Variants in ZNF536 observed in about 807,000 individuals in gnomAD.
ZNF536 encodes the protein zinc finger protein 536.
ZNF536 carries 13 observed loss-of-function variants against 84.5 expected under a neutral mutation model. The ratio of observed to expected loss-of-function variants is 0.15; its 90% CI spans 0.10 to 0.24. The LOEUF (loss-of-function observed/expected upper bound fraction) is 0.24. Among genes scored for constraint, ZNF536 ranks in the 10% least tolerant of loss-of-function variants. The pLI is 1.00. For synonymous variants in ZNF536, 811 were observed against 742.5 expected (o/e 1.09, Z -1.50); for missense variants, 1,536 against 1,747.5 (o/e 0.88, Z 2.16).
At chr19:30,451,707 T>A (rs1419811634) in intron 2 of ZNF536, among the ~76,000 whole-genome samples, 2 of 152,144 alleles carry the variant, frequency 1.3e-5, no homozygotes, top group Non-Finnish European at 2.9e-5. Flanking sequence ...CACTCAAATG[T>A]GTTTCTCTGG....
intron 1 of ZNF536, among the ~76,000 whole-genome samples, chr19:30,267,373 T>G (rs2025569742): frequency 2.0e-5 from 3 of 152,200 alleles, no homozygotes; most frequent in Non-Finnish European, 4.4e-5. Flanking sequence ...AGTCCTGTTT[T>G]ATAATAATCT....
rs1164172556 is a variant in ZNF536 at position 30,686,359 on chromosome 19, G to A, written c.170-24398G>A. Among the ~76,000 whole-genome samples the A allele has an allele frequency of 2.6e-5, 4 of 152,140 alleles. No homozygotes were observed. In the East Asian group the frequency reaches 7.7e-4, roughly 29 times the overall value. ...GAAAAAAAATGACTCCCTTAGAAGA[G>A]TTAGGAATTTTATTACAAACCAGAT... is the stretch of plus-strand genomic sequence containing the variant. On this transcript the variant is annotated intron_variant, in intron 1 of 1. Transcript: ENST00000592773.
intron 1 of ZNF536, among the ~76,000 whole-genome samples, chr19:30,375,739 G>A (rs908904356): frequency 2.6e-5 from 4 of 152,246 alleles, no homozygotes; most frequent in Non-Finnish European, 5.9e-5. Context: ...ATGCGTGTGT[G>A]ATCACATGTT....
chr19:30,517,279 G>A (rs1426479660), intron 2 of ZNF536, among the ~76,000 whole-genome samples: 2 of 152,158 alleles, frequency 1.3e-5, no homozygotes, highest in Admixed American at 6.5e-5. Context: ...GAATTAGTCT[G>A]GAGGCTTCTG....
intron 1 of ZNF536, among the ~76,000 whole-genome samples, chr19:30,374,893 G>A (rs973679079): frequency 1.3e-4 from 19 of 151,560 alleles, no homozygotes; most frequent in African/African-American, 4.4e-4. Context: ...TGCCGCCCGC[G>A]AGCCGGAAGA....
intron 1 of ZNF536, among the ~76,000 whole-genome samples, chr19:30,373,053 C>T (rs922470971): frequency 5.9e-5 from 9 of 152,192 alleles, no homozygotes; most frequent in South Asian, 2.1e-4. Context: ...AAGAAAACTC[C>T]GCATCGGGAT....
chr19:30,241,994 C>T (rs980638245), intron 1 of ZNF536, among the ~76,000 whole-genome samples: 2 of 151,926 alleles, frequency 1.3e-5, no homozygotes, highest in South Asian at 2.1e-4. Context: ...ATCTTGGTGG[C>T]GCGATCTTTC....
At chr19:30,288,695 C>T (rs566804812) in intron 2 of ZNF536, among the ~76,000 whole-genome samples, 1 of 152,324 alleles carries the variant, frequency 6.6e-6, no homozygotes, top group South Asian at 2.1e-4. Flanking sequence ...GGAACTTGCA[C>T]CTCAGTTTTC....
intron 1 of ZNF536, among the ~76,000 whole-genome samples, chr19:30,668,184 C>T (rs746384928): frequency 5.9e-5 from 9 of 152,074 alleles, no homozygotes; most frequent in Non-Finnish European, 8.8e-5. Context: ...TCTCTCTCTC[C>T]AGGAAATAAA....
At chr19:30,294,675 GC>G (rs1156857039) in intron 2 of ZNF536, among the ~76,000 whole-genome samples, 1 of 151,964 alleles carries the variant, frequency 6.6e-6, no homozygotes, top group Admixed American at 6.6e-5. Context: ...GGTGGCCAAT[GC>G]CCCCATGAGT....
intron 1 of ZNF536, among the ~76,000 whole-genome samples, chr19:30,388,123 A>G (rs1251901655): frequency 6.6e-6 from 1 of 152,166 alleles, no homozygotes; most frequent in East Asian, 1.9e-4. Context: ...ACACGAGGGG[A>G]AAAGAAAAGA....
intron 1 of ZNF536, among the ~76,000 whole-genome samples, chr19:30,257,987 G>A (rs1459010033): frequency 2.0e-5 from 3 of 152,200 alleles, no homozygotes; most frequent in Non-Finnish European, 1.5e-5. Flanking sequence ...TGCAGAACTA[G>A]GGCAGCAGGA....
intron 1 of ZNF536, among the ~76,000 whole-genome samples, chr19:30,652,272 T>C (rs2049736910): frequency 6.6e-6 from 1 of 152,220 alleles, no homozygotes; most frequent in Admixed American, 6.5e-5. Context: ...TCTTGCTGTC[T>C]TTTCTTCTCA....
chr19:30,368,094 G>A (rs898201893), upstream of ZNF536, among the ~76,000 whole-genome samples: 1 of 152,038 alleles, frequency 6.6e-6, no homozygotes, highest in African/African-American at 2.4e-5. Flanking sequence ...TCCTACTCCT[G>A]TCCCTCCTGG....
At chr19:30,267,458 C>T (rs6510079) in intron 1 of ZNF536, among the ~76,000 whole-genome samples, 38,766 of 151,700 alleles carry the variant, frequency 0.26, 5,826 homozygotes, top group East Asian at 0.59. Flanking sequence ...TTCTAGCACA[C>T]GCAGAATAAA....
At chr19:30,633,840 C>A (rs890415106) in intron 1 of ZNF536, among the ~76,000 whole-genome samples, 1 of 152,120 alleles carries the variant, frequency 6.6e-6, no homozygotes, top group Non-Finnish European at 1.5e-5. Context: ...TCCCAAAATG[C>A]AGGGGTTACA....
intron 3 of ZNF536, among the ~76,000 whole-genome samples, chr19:30,538,189 GT>G (rs1238154724): frequency 1.1e-4 from 16 of 152,122 alleles, no homozygotes; most frequent in Non-Finnish European, 1.8e-4. Context: ...ATACCATACA[GT>G]TTTTGTATTT....
rs2146370700 is a variant in ZNF536, at chr19:30,557,139, C to T, written c.3896-18C>T. On this transcript the variant is annotated intron_variant, in intron 4 of 4. Coordinates refer to ENST00000355537, the MANE Select transcript of ZNF536 (RefSeq NM_014717.3). ...ATGGTTTCTGGATTATTTAATAAAT[C>T]TGCACATTTTCTTGCAGGTAAGTGA... 1 of 1,613,622 alleles carries T rather than the reference C, an allele frequency of 6.2e-7. No homozygotes were observed.
At chr19:30,418,243 A>G (rs1024649072) in intron 1 of ZNF536, among the ~76,000 whole-genome samples, 3 of 152,066 alleles carry the variant, frequency 2.0e-5, no homozygotes, top group African/African-American at 4.8e-5. Context: ...ACATTGATGG[A>G]GCATTCCTGG....
Sources: allele counts gnomAD v4.1 joint callset (sites outside exome capture counted in the v4.1 genomes callset), GRCh38; gene constraint gnomAD v4.1.1; transcripts MANE v1.5; gene names NCBI Gene and HGNC (gene_info 2026-07-23, HGNC 2026-07-21).